Variants in CA10 observed in about 807,000 individuals in gnomAD.
CA10 encodes carbonic anhydrase-related protein 10.
CA10 carries 14 observed loss-of-function variants against 44.2 expected under a neutral mutation model. The observed-to-expected ratio is 0.32, with a 90% CI of 0.21 to 0.50. CA10 has a LOEUF of 0.50. CA10 is among the 20% of genes least tolerant of loss of function. The pLI is 0.99. For missense variants in CA10, 350 were observed against 409.7 expected (o/e 0.85, Z 1.26); for synonymous variants, 159 against 141.6 (o/e 1.12, Z -0.87).
intron 3 of CA10, among the ~76,000 whole-genome samples, chr17:51,919,280 T>C (rs932245570): frequency 1.3e-5 from 2 of 152,180 alleles, no homozygotes; most frequent in African/African-American, 4.8e-5. Context: ...GTGGGTTTAT[T>C]CAAATGGTCA....
At chr17:51,766,593 A>G (rs1013300082) in intron 3 of CA10, among the ~76,000 whole-genome samples, 2 of 152,076 alleles carry the variant, frequency 1.3e-5, no homozygotes, top group Non-Finnish European at 2.9e-5. Context: ...CAATCTATCT[A>G]TTTGCAGGGA....
rs184207519 is a variant in CA10, at chr17:51,954,478, C to T, written c.137-23346G>A. On this transcript the variant is annotated intron_variant, in intron 2 of 8. Coordinates refer to ENST00000451037, the MANE Select transcript of CA10 (RefSeq NM_020178.5). ...TAGACTCTAGGGAGTCACGGAGTCA[C>T]ATAAGCTTAGGATTTGAATGGGCTT... Among the ~76,000 whole-genome samples the T allele has an allele frequency of 1.2e-3, 183 of 152,158 alleles. 5 individuals carry two copies. The South Asian group carries it at 0.022, about 18-fold the overall frequency.
intron 3 of CA10, among the ~76,000 whole-genome samples, chr17:51,755,129 T>C (rs749810060): frequency 9.9e-5 from 15 of 152,172 alleles, no homozygotes; most frequent in Non-Finnish European, 1.6e-4. Context: ...ATCTGAATGA[T>C]AGAACAATTA....
At chr17:51,806,406 C>T (rs1907139264) in intron 3 of CA10, among the ~76,000 whole-genome samples, 1 of 152,136 alleles carries the variant, frequency 6.6e-6, no homozygotes, top group African/African-American at 2.4e-5. Context: ...CAATTATATG[C>T]AATCGTTAAT....
Position 51,635,809 on chromosome 17 carries a change from T to TA in CA10, c.789+45dup, listed in dbSNP as rs770545598. ...ACTCCACATTTCAGTGATTTTTTTT[T>TA]AACATCATTCTTCTCCATTAGCTAA... is the stretch of plus-strand genomic sequence containing the variant. On this transcript the variant is annotated intron_variant, in intron 7 of 8. Transcript: ENST00000451037. The TA allele has an allele frequency of 5.6e-6, 8 of 1,440,744 alleles. No individual in the cohort carries two copies. The African/African-American group carries it at 1.1e-4, about 20-fold the overall frequency. The allele number at this position is 1,440,744 out of a possible 1,614,324, so 89.2% of individuals were successfully genotyped here. A position where few individuals can be genotyped will look rare whatever the true frequency, so the allele number is the denominator to read the frequency against.
At chr17:51,797,349 C>A (rs890369608) in intron 3 of CA10, among the ~76,000 whole-genome samples, 1 of 152,218 alleles carries the variant, frequency 6.6e-6, no homozygotes, top group Admixed American at 6.5e-5. Flanking sequence ...CGCATGCGCG[C>A]GCACGCACGC....
chr17:52,008,592 C>T (rs1362106089), intron 2 of CA10, among the ~76,000 whole-genome samples: 4 of 151,748 alleles, frequency 2.6e-5, no homozygotes, highest in Non-Finnish European at 5.9e-5. Flanking sequence ...AGAAGAAGGG[C>T]AATGTCATCT....
At chr17:51,887,441 T>C (rs948270079) in intron 3 of CA10, among the ~76,000 whole-genome samples, 9 of 152,206 alleles carry the variant, frequency 5.9e-5, no homozygotes, top group Non-Finnish European at 1.3e-4. Context: ...CCATTCAGTA[T>C]ACTTTTCAGC....
intron 4 of CA10, among the ~76,000 whole-genome samples, chr17:51,660,704 C>A (rs1205751622): frequency 6.6e-6 from 1 of 152,188 alleles, no homozygotes; most frequent in Non-Finnish European, 1.5e-5. Flanking sequence ...GAAGACCACA[C>A]GTGGCGTTCA....
chr17:51,876,419 G>A (rs1980084494), intron 3 of CA10, among the ~76,000 whole-genome samples: 1 of 149,258 alleles, frequency 6.7e-6, no homozygotes, highest in Non-Finnish European at 1.5e-5. Context: ...CTGAGCTCAA[G>A]TGATCCTCCT....
At chr17:51,942,724 G>A (rs73987321) in intron 2 of CA10, among the ~76,000 whole-genome samples, 6,950 of 151,916 alleles carry the variant, frequency 0.046, 229 homozygotes, top group African/African-American at 0.095. Context: ...TGAGAGCTTG[G>A]CAGACAAGGA....
At chr17:52,099,281 A>G (rs1988480658) in intron 1 of CA10, among the ~76,000 whole-genome samples, 1 of 152,180 alleles carries the variant, frequency 6.6e-6, no homozygotes, top group Admixed American at 6.5e-5. Flanking sequence ...GGGGGTTGGG[A>G]TAGAACACAC....
chr17:51,883,079 A>G (rs1598098597), intron 3 of CA10, among the ~76,000 whole-genome samples: 1 of 152,192 alleles, frequency 6.6e-6, no homozygotes, highest in East Asian at 1.9e-4. Flanking sequence ...GAAGGCAGGA[A>G]GTAATGGGAG....
chr17:51,839,627 G>T (rs1419986882), intron 3 of CA10, among the ~76,000 whole-genome samples: 1 of 151,874 alleles, frequency 6.6e-6, no homozygotes, highest in Non-Finnish European at 1.5e-5. Flanking sequence ...TTCTGCTCCA[G>T]GTATGAACTG....
chr17:51,893,788 G>A (rs1307426395), intron 3 of CA10, among the ~76,000 whole-genome samples: 1 of 152,006 alleles, frequency 6.6e-6, no homozygotes, highest in Non-Finnish European at 1.5e-5. Flanking sequence ...TAAACAACAT[G>A]GTTATTCAGA....
chr17:52,128,024 T>C (rs1298441837), intron 1 of CA10, among the ~76,000 whole-genome samples: 1 of 152,132 alleles, frequency 6.6e-6, no homozygotes, highest in Non-Finnish European at 1.5e-5. Flanking sequence ...TTCAAATGAG[T>C]ACACAAAGAG....
intron 4 of CA10, among the ~76,000 whole-genome samples, chr17:51,736,941 G>A (rs1395818215): frequency 6.6e-6 from 1 of 152,162 alleles, no homozygotes; most frequent in Non-Finnish European, 1.5e-5. Context: ...TGGAGAAATA[G>A]GCTCCTGTCT....
chr17:51,769,025 T>A (rs1905497525), intron 3 of CA10, among the ~76,000 whole-genome samples: 1 of 152,230 alleles, frequency 6.6e-6, no homozygotes, highest in African/African-American at 2.4e-5. Context: ...TTTTTTTTAA[T>A]TTTAAAAACA....
intron 2 of CA10, among the ~76,000 whole-genome samples, chr17:52,023,824 G>A (rs1986218507): frequency 6.6e-6 from 1 of 151,928 alleles, no homozygotes; most frequent in African/African-American, 2.4e-5. Context: ...CATAATTTGT[G>A]TTGAATGAAG....
Sources: allele counts gnomAD v4.1 joint callset (sites outside exome capture counted in the v4.1 genomes callset), GRCh38; gene constraint gnomAD v4.1.1; transcripts MANE v1.5; gene names NCBI Gene and HGNC (gene_info 2026-07-23, HGNC 2026-07-21).